The following GALNT16 variants were observed in gnomAD, a reference collection of about 807,000 sequenced individuals.
The protein encoded by GALNT16 is UDP-GalNAc:polypeptide N-acetylgalactosaminyltransferase-like protein 1.
A neutral mutation model predicts 76.1 loss-of-function variants in GALNT16; 40 were observed. That is an observed-to-expected ratio of 0.53 (90% confidence interval 0.41 to 0.68). The LOEUF is 0.68. Ranked by LOEUF, GALNT16 falls within the 30% of genes least tolerant of loss-of-function variation. The pLI is 0.00. For missense variants in GALNT16, 621 were observed against 731.9 expected, an observed-to-expected ratio of 0.85 and a Z score of 1.75; for synonymous variants, 276 against 285.2, an observed-to-expected ratio of 0.97 and a Z score of 0.32.
chr14:69,269,369 T>C (rs2044376113), intron 1 of GALNT16, among the ~76,000 whole-genome samples: 1 of 109,574 alleles, frequency 9.1e-6, no homozygotes, highest in African/African-American at 4.4e-5. Flanking sequence ...ATGTATGATA[T>C]ATGGGGCGCA....
intron 9 of GALNT16, 103 bp from the exon 10 acceptor site, chr14:69,338,548 A>G (rs2045443096): frequency 6.6e-7 from 1 of 1,516,244 alleles, no homozygotes; most frequent in African/African-American, 1.4e-5. Flanking sequence ...CGACCCCAAC[A>G]TGTACCTCCA....
At chr14:69,329,342 G>C (rs2045324756) in intron 6 of GALNT16, among the ~76,000 whole-genome samples, 1 of 152,132 alleles carries the variant, frequency 6.6e-6, no homozygotes, top group Admixed American at 6.5e-5. Flanking sequence ...GGGCAACTGA[G>C]CGAGACTCCA....
At chr14:69,271,621 G>A (rs1248645152) in intron 1 of GALNT16, among the ~76,000 whole-genome samples, 3 of 152,226 alleles carry the variant, frequency 2.0e-5, no homozygotes, top group African/African-American at 7.2e-5. Context: ...AATGTGGTTA[G>A]TGCAACTGAG....
intron 2 of GALNT16, among the ~76,000 whole-genome samples, chr14:69,321,193 G>A (rs978443575): frequency 2.0e-5 from 3 of 152,210 alleles, no homozygotes; most frequent in Admixed American, 6.5e-5. Context: ...CTTACTGGTG[G>A]TGCCTAAAGT....
chr14:69,274,386 T>C (rs1325735937), intron 1 of GALNT16, among the ~76,000 whole-genome samples: 1 of 152,210 alleles, frequency 6.6e-6, no homozygotes, highest in East Asian at 1.9e-4. Flanking sequence ...TTCTCTCTCA[T>C]TGGGTCAAGG....
chr14:69,325,501 C>A, intron 4 of GALNT16, 97 bp downstream of exon 4: 1 of 792,804 alleles, frequency 1.3e-6, no homozygotes, highest in Non-Finnish European at 2.3e-6. Context: ...TCCTGACCAT[C>A]GCAGACACCT....
Position 69,325,318 on chromosome 14 carries a change from G to GT in GALNT16, c.435-16dup, listed in dbSNP as rs1377201558. 4.6e-6 allele frequency: 7 copies of GT among 1,531,428 alleles called. No homozygotes were observed. The Admixed American group carries it at 1.2e-4, about 26-fold the overall frequency. The allele number at this position is 1,531,428 out of a possible 1,614,324, so 94.9% of individuals were successfully genotyped here. On this transcript the variant is annotated intron_variant, in intron 3 of 14. Transcript: ENST00000448469. ...GTTCCTAAATCCAGGCTCTTTCTCT[G>GT]TTTCCACTGCTACTGTAGTGTCCTG...
chr14:69,263,376 C>T (rs971295738), intron 1 of GALNT16, among the ~76,000 whole-genome samples: 1 of 152,202 alleles, frequency 6.6e-6, no homozygotes, highest in African/African-American at 2.4e-5. Context: ...GCAGGTGCAG[C>T]TGAGGATTTA....
intron 12 of GALNT16, among the ~76,000 whole-genome samples, chr14:69,342,709 G>A (rs541602357): frequency 6.6e-6 from 1 of 152,236 alleles, no homozygotes; most frequent in Admixed American, 6.5e-5. Flanking sequence ...GTGTGCACTC[G>A]AGCTGTAGTT....
intron 1 of GALNT16, among the ~76,000 whole-genome samples, chr14:69,260,746 GCGGCTCTCC>G (rs1244631821): frequency 6.6e-6 from 1 of 151,988 alleles, no homozygotes; most frequent in African/African-American, 2.4e-5. Flanking sequence ...TGGGAACGTG[GCGGCTCTCC>G]CGGCTCTGCG....
the GALNT16 span, among the ~76,000 whole-genome samples, chr14:69,363,996 A>C: frequency 6.6e-6 from 1 of 152,144 alleles, no homozygotes; most frequent in African/African-American, 2.4e-5. Context: ...TTTTACCTTG[A>C]ATCAGGGTTG....
At chr14:69,381,011 A>T in the GALNT16 span, among the ~76,000 whole-genome samples, 1 of 152,210 alleles carries the variant, frequency 6.6e-6, no homozygotes, top group Non-Finnish European at 1.5e-5. Context: ...GGCTGGGTGC[A>T]GTGGCTCATG....
the GALNT16 span, chr14:69,380,746 C>A: frequency 1.6e-6 from 1 of 615,250 alleles, no homozygotes; most frequent in Non-Finnish European, 2.9e-6. Context: ...TGCACATTTC[C>A]AAAAATGAAC....
intron 1 of GALNT16, among the ~76,000 whole-genome samples, chr14:69,302,576 TAA>T (rs1486456643): frequency 6.6e-6 from 1 of 152,150 alleles, no homozygotes; most frequent in Non-Finnish European, 1.5e-5. Context: ...GTCTAAAATA[TAA>T]AAGAGATAAA....
chr14:69,363,069 G>A, the GALNT16 span, among the ~76,000 whole-genome samples: 2 of 152,242 alleles, frequency 1.3e-5, no homozygotes, highest in African/African-American at 2.4e-5. Context: ...AGGTTATGAG[G>A]CAGGAAGAGT....
intron 1 of GALNT16, among the ~76,000 whole-genome samples, chr14:69,284,111 C>T (rs1429573415): frequency 6.6e-6 from 1 of 152,186 alleles, no homozygotes; most frequent in African/African-American, 2.4e-5. Context: ...TGACCCTCTC[C>T]TAAGACTAGA....
At chr14:69,283,916 C>T (rs920176824) in intron 1 of GALNT16, among the ~76,000 whole-genome samples, 1 of 152,152 alleles carries the variant, frequency 6.6e-6, no homozygotes, top group Non-Finnish European at 1.5e-5. Flanking sequence ...CAAAGATGAA[C>T]AAGACATTCT....
At chr14:69,272,897 G>T (rs1004954629) in intron 1 of GALNT16, among the ~76,000 whole-genome samples, 1 of 152,212 alleles carries the variant, frequency 6.6e-6, no homozygotes, top group Non-Finnish European at 1.5e-5. Context: ...TGTGCTGGAG[G>T]TTATACCATC....
chr14:69,276,079 G>A (rs1020421371), intron 1 of GALNT16, among the ~76,000 whole-genome samples: 67 of 152,146 alleles, frequency 4.4e-4, no homozygotes, highest in African/African-American at 1.6e-3. Context: ...CACAAGAATA[G>A]CACGGGAAAG....
Sources: gnomAD v4.1 joint callset for allele counts (sites outside exome capture counted in the v4.1 genomes callset) on GRCh38, gnomAD v4.1.1 for gene constraint, MANE v1.5 for transcripts, NCBI Gene and HGNC (gene_info 2026-07-23, HGNC 2026-07-21) for gene names.